Variants in CLDN10 observed in about 807,000 individuals in gnomAD.
CLDN10 encodes claudin-10.
In CLDN10, 15 loss-of-function variants were observed where a neutral mutation model predicts 22.9. The observed-to-expected ratio is 0.65, with a 90% CI of 0.44 to 1.01. CLDN10 has a LOEUF of 1.01. CLDN10 is among the 50% of genes least tolerant of loss of function. The pLI is 0.00. For synonymous variants in CLDN10, 114 were observed against 111.4 expected, an observed-to-expected ratio of 1.02 and a Z score of -0.15; for missense variants, 247 against 287.8, an observed-to-expected ratio of 0.86 and a Z score of 1.03.
intron 1 of CLDN10, among the ~76,000 whole-genome samples, chr13:95,486,722 T>C (rs1321207772): frequency 6.6e-6 from 1 of 152,066 alleles, no homozygotes; most frequent in African/African-American, 2.4e-5. Context: ...TTCCTAAAGA[T>C]TTTTCTTTTT....
chr13:95,488,715 G>A (rs1029953398), intron 1 of CLDN10, among the ~76,000 whole-genome samples: 10 of 152,052 alleles, frequency 6.6e-5, no homozygotes, highest in South Asian at 2.1e-4. Flanking sequence ...TTAGGTCTGC[G>A]TAGTATTCCA....
At chr13:95,443,838 C>T (rs1186032870) in intron 1 of CLDN10, among the ~76,000 whole-genome samples, 1 of 152,160 alleles carries the variant, frequency 6.6e-6, no homozygotes, top group East Asian at 1.9e-4. Flanking sequence ...TAATAACTGG[C>T]TAGCCCTCGG....
chr13:95,522,516 C>T (rs566389945), intron 1 of CLDN10, among the ~76,000 whole-genome samples: 3 of 152,128 alleles, frequency 2.0e-5, no homozygotes, highest in South Asian at 2.1e-4. Context: ...TGTGACCTAG[C>T]TTACAAAGTA....
At chr13:95,535,076 G>A (rs1438168285) in intron 1 of CLDN10, among the ~76,000 whole-genome samples, 1 of 152,076 alleles carries the variant, frequency 6.6e-6, no homozygotes, top group Non-Finnish European at 1.5e-5. Flanking sequence ...AGGCATCCTG[G>A]GTGGAAGAAC....
rs397851895 is a variant in CLDN10, at chr13:95,438,975, C to CAAA, written c.214+4949_214+4951dup. Among the ~76,000 whole-genome samples the CAAA allele has an allele frequency of 8.2e-4, 51 of 62,156 alleles. 1 individual carries two copies. Among genetic ancestry groups the CAAA allele is most frequent in the African/African-American group, 1.7e-3 (26 of 15,302 alleles). The allele number at this position is 62,156 out of a possible 152,430, so 40.8% of individuals were successfully genotyped here. On this transcript the variant is annotated intron_variant, in intron 1 of 4. Coordinates refer to the CLDN10 transcript ENST00000376873. ...TGGGTGACAGAGCAAGACTCCATCG[C>CAAA]AAAAAAAAAAAAAAAAAAAAAAAGC...
At chr13:95,480,911 G>C (rs1594549682) in intron 1 of CLDN10, among the ~76,000 whole-genome samples, 1 of 152,098 alleles carries the variant, frequency 6.6e-6, no homozygotes, top group Non-Finnish European at 1.5e-5. Flanking sequence ...AGAATTCCTG[G>C]GCTCTATAGC....
chr13:95,513,790 C>T (rs549815403), intron 1 of CLDN10, among the ~76,000 whole-genome samples: 3 of 149,976 alleles, frequency 2.0e-5, no homozygotes, highest in African/African-American at 7.3e-5. Context: ...TCTATAAAAT[C>T]TGTGTCTATA....
rs1355860426 is a variant in CLDN10 at position 95,471,416 on chromosome 13, T to TACACACAC, written c.214+37370_214+37371insCACACACA. 8.5e-3 allele frequency among the ~76,000 whole-genome samples: 975 copies of TACACACAC among 114,832 alleles called. 7 individuals carry two copies. Among genetic ancestry groups the TACACACAC allele is most frequent in the African/African-American group, 0.033 (919 of 28,240 alleles). 75.3% of individuals were successfully genotyped at this position (114,832 alleles called of 152,430 possible). On this transcript the variant is annotated intron_variant, in intron 1 of 4. Coordinates refer to the CLDN10 transcript ENST00000376873. The stretch of plus-strand genomic sequence containing the variant: ...ACACATGTATATATACACACACACA[T>TACACACAC]ATACACACACACACACACACACACA...
intron 1 of CLDN10, among the ~76,000 whole-genome samples, chr13:95,504,412 A>T (rs1029778005): frequency 6.6e-6 from 1 of 152,032 alleles, no homozygotes; most frequent in African/African-American, 2.4e-5. Flanking sequence ...ACAGAGTCTC[A>T]CTCTGTCACC....
Position 95,560,145 on chromosome 13 carries a change from A to C in CLDN10, c.234A>C (p.Ala78=). Residue 78 remains alanine, a synonymous_variant, in exon 2 of 5, where the codon GCA becomes GCC. Transcript: ENST00000299339. ...CTCTAATTGCAGGTTATATACAGGC[A>C]TGTAGAGGACTTATGATCGCTGCTG... ...SMLALDGYIQ[A]CRGLMIAAVS... is the part of the protein sequence containing the mutation. 1 of 1,613,946 alleles carries C rather than the reference A, an allele frequency of 6.2e-7. No homozygotes were observed. The highest frequency in any genetic ancestry group is 1.1e-5 in the South Asian group (1 of 91,048).
chr13:95,524,043 A>T (rs1478098094), intron 1 of CLDN10, among the ~76,000 whole-genome samples: 1 of 150,338 alleles, frequency 6.7e-6, no homozygotes, highest in Non-Finnish European at 1.5e-5. Flanking sequence ...CACTATTACC[A>T]TTGAAAAGTA....
chr13:95,490,348 G>T (rs920018344), intron 1 of CLDN10, among the ~76,000 whole-genome samples: 22 of 152,290 alleles, frequency 1.4e-4, no homozygotes, highest in Non-Finnish European at 2.9e-4. Context: ...ACCCATCCAT[G>T]AGCATGGGAT....
intron 1 of CLDN10, among the ~76,000 whole-genome samples, chr13:95,523,979 A>C (rs1331725012): frequency 6.6e-6 from 1 of 152,114 alleles, no homozygotes; most frequent in Non-Finnish European, 1.5e-5. Context: ...CTGAATATAG[A>C]ATTCTAATTT....
At chr13:95,467,429 C>G (rs192975253) in intron 1 of CLDN10, among the ~76,000 whole-genome samples, 65 of 152,080 alleles carry the variant, frequency 4.3e-4, no homozygotes, top group Middle Eastern at 3.4e-3. Context: ...TTGGTTTGTT[C>G]AAATAGGAAT....
At chr13:95,562,665 T>C (rs1283836555) in intron 3 of CLDN10, among the ~76,000 whole-genome samples, 2 of 152,244 alleles carry the variant, frequency 1.3e-5, no homozygotes, top group Non-Finnish European at 2.9e-5. Context: ...ATTTTTATTT[T>C]AGGGTTTGAT....
chr13:95,443,524 A>G (rs1020156736), intron 1 of CLDN10, among the ~76,000 whole-genome samples: 1 of 152,148 alleles, frequency 6.6e-6, no homozygotes, highest in African/African-American at 2.4e-5. Flanking sequence ...CACGCAGGGA[A>G]GAACCACGGT....
At chr13:95,472,760 T>G (rs146281385) in intron 1 of CLDN10, among the ~76,000 whole-genome samples, 1 of 151,140 alleles carries the variant, frequency 6.6e-6, no homozygotes, top group African/African-American at 2.4e-5. Flanking sequence ...CGTAGCAAAA[T>G]GTTTTTAATT....
chr13:95,451,369 A>T (rs2042430316), intron 1 of CLDN10, among the ~76,000 whole-genome samples: 1 of 152,170 alleles, frequency 6.6e-6, no homozygotes, highest in Non-Finnish European at 1.5e-5. Context: ...TGTTATTCAA[A>T]GCCTTTTTAA....
At chr13:95,497,081 G>A (rs915643177) in intron 1 of CLDN10, 2 of 151,516 alleles carry the variant, frequency 1.3e-5, no homozygotes, top group Non-Finnish European at 2.9e-5. Context: ...TTGTGAAGAC[G>A]AAATGCTTCT....
Sources: allele counts gnomAD v4.1 joint callset (sites outside exome capture counted in the v4.1 genomes callset), GRCh38; gene constraint gnomAD v4.1.1; transcripts MANE v1.5; gene names NCBI Gene and HGNC (gene_info 2026-07-23, HGNC 2026-07-21).